The following PIK3C2G variants were observed in gnomAD, a reference collection of about 807,000 sequenced individuals.
The protein encoded by PIK3C2G is phosphatidylinositol-4-phosphate 3-kinase catalytic subunit type 2 gamma.
A neutral mutation model predicts 181.1 loss-of-function variants in PIK3C2G; 168 were observed. That is an observed-to-expected ratio of 0.93 (90% CI 0.82 to 1.05). The LOEUF (loss-of-function observed/expected upper bound fraction) is 1.05. Ranked by LOEUF, PIK3C2G falls within the 50% of genes least tolerant of loss-of-function variation. The pLI is 0.00. For missense variants in PIK3C2G, 1,869 were observed against 1,732.8 expected, an observed-to-expected ratio of 1.08 and a Z score of -1.40; for synonymous variants, 573 against 592.2, an observed-to-expected ratio of 0.97 and a Z score of 0.47.
At chr12:18,650,744 ATATATATATATATATATATAT>A (rs1950471929), downstream of PIK3C2G, among the ~76,000 whole-genome samples, 1 of 41,954 alleles carries the variant, frequency 2.4e-5, no homozygotes, top group African/African-American at 1.5e-4. Flanking sequence ...ATATATATAT[ATATATATATATATATATATAT>A]TCCAGTCCAT....
chr12:18,599,222 A>G (rs1947559063), intron 30 of PIK3C2G, among the ~76,000 whole-genome samples: 1 of 152,338 alleles, frequency 6.6e-6, no homozygotes, highest in South Asian at 2.1e-4. Context: ...GGCATTATTC[A>G]CAATAGCAAA....
chr12:18,509,491 A>T (rs1274690461), intron 24 of PIK3C2G, among the ~76,000 whole-genome samples: 1 of 152,196 alleles, frequency 6.6e-6, no homozygotes, highest in Non-Finnish European at 1.5e-5. Context: ...CCATTCCGGA[A>T]CATCTCACAC....
intron 31 of PIK3C2G, among the ~76,000 whole-genome samples, chr12:18,631,748 G>A (rs1949361589): frequency 6.6e-6 from 1 of 152,062 alleles, no homozygotes; most frequent in South Asian, 2.1e-4. Context: ...GGATGAGGGG[G>A]GCACCAGGAA....
At chr12:18,488,920 G>A (rs941544272) in intron 19 of PIK3C2G, among the ~76,000 whole-genome samples, 18 of 151,948 alleles carry the variant, frequency 1.2e-4, no homozygotes, top group African/African-American at 4.1e-4. Flanking sequence ...TAAACTAATC[G>A]CGTCAATATG....
intron 18 of PIK3C2G, among the ~76,000 whole-genome samples, chr12:18,475,894 T>C (rs566681609): frequency 6.6e-6 from 1 of 152,172 alleles, no homozygotes; most frequent in South Asian, 2.1e-4. Flanking sequence ...AATAAATAAA[T>C]TTTAGGAAGA....
intron 17 of PIK3C2G, among the ~76,000 whole-genome samples, chr12:18,421,640 T>C (rs1945493971): frequency 6.6e-6 from 1 of 151,956 alleles, no homozygotes; most frequent in South Asian, 2.1e-4. Context: ...AATAACAGAG[T>C]ATCTAATAGA....
chr12:18,252,819 G>C (rs1036685401), intron 1 of PIK3C2G, among the ~76,000 whole-genome samples: 4 of 152,152 alleles, frequency 2.6e-5, no homozygotes, highest in African/African-American at 9.6e-5. Context: ...CTTCAGGGGA[G>C]AAGGGCAGGA....
At chr12:18,319,897 G>A (rs569417575) in intron 6 of PIK3C2G, among the ~76,000 whole-genome samples, 1 of 152,230 alleles carries the variant, frequency 6.6e-6, no homozygotes, top group South Asian at 2.1e-4. Context: ...TTTCTAGAAA[G>A]TAAGACTCAC....
chr12:18,652,026 T>G (rs1010098144), downstream of PIK3C2G, among the ~76,000 whole-genome samples: 4 of 152,148 alleles, frequency 2.6e-5, no homozygotes, highest in Non-Finnish European at 5.9e-5. Context: ...ATATTTTCTT[T>G]GTTAGTTTGT....
chr12:18,415,969 C>T (rs774709806), intron 16 of PIK3C2G, among the ~76,000 whole-genome samples: 7 of 152,138 alleles, frequency 4.6e-5, no homozygotes, highest in East Asian at 1.9e-4. Flanking sequence ...AAAAGCCGGG[C>T]GGGCGCAGTG....
At chr12:18,500,588 G>A (rs549999923) in intron 22 of PIK3C2G, among the ~76,000 whole-genome samples, 1 of 152,186 alleles carries the variant, frequency 6.6e-6, no homozygotes, top group South Asian at 2.1e-4. Context: ...AGATCCACTG[G>A]GTGACGCCAG....
At chr12:18,445,983 A>G (rs1484226058) in intron 18 of PIK3C2G, among the ~76,000 whole-genome samples, 1 of 152,196 alleles carries the variant, frequency 6.6e-6, no homozygotes, top group African/African-American at 2.4e-5. Flanking sequence ...TTTTCATTGT[A>G]GTCTCATTTG....
chr12:18,708,626 C>T, the PIK3C2G span, among the ~76,000 whole-genome samples: 1 of 152,138 alleles, frequency 6.6e-6, no homozygotes, highest in East Asian at 1.9e-4. Context: ...TTTCCATCAT[C>T]AGTGTACAGG....
rs907788980 is a variant in PIK3C2G, at chr12:18,291,152, G to C, written c.919+140G>C. On this transcript the variant is annotated intron_variant, in intron 4 of 32. Transcript: ENST00000538779. ...GAAGTGAAATAAGAAGAAAACATCA[G>C]GGATCCATTTGTTAATACTTAAGGG... The C allele has an allele frequency of 7.2e-6, 4 of 555,762 alleles. No individual in the cohort carries two copies. In the East Asian group the frequency reaches 8.8e-5, roughly 12 times the overall value. 34.4% of individuals were successfully genotyped at this position (555,762 alleles called of 1,614,324 possible). A position where few individuals can be genotyped will look rare whatever the true frequency, so the allele number is the denominator to read the frequency against.
chr12:18,351,209 CATT>C (rs1391612475), intron 11 of PIK3C2G, among the ~76,000 whole-genome samples: 1 of 151,686 alleles, frequency 6.6e-6, no homozygotes, highest in African/African-American at 2.4e-5. Context: ...AGTTAGAAAA[CATT>C]ATAACTTAAA....
intron 6 of PIK3C2G, among the ~76,000 whole-genome samples, chr12:18,319,554 A>T (rs35969645): frequency 0.1 from 15,191 of 152,106 alleles, 819 homozygotes; most frequent in Non-Finnish European, 0.11. Context: ...AAATTAAAAA[A>T]TTTTTCTAGC....
chr12:18,561,593 C>T (rs1417559989), intron 26 of PIK3C2G, among the ~76,000 whole-genome samples: 1 of 151,866 alleles, frequency 6.6e-6, no homozygotes, highest in African/African-American at 2.4e-5. Context: ...AAGTCAGATA[C>T]TGGAGAAAAG....
At chr12:18,708,856 A>G in the PIK3C2G span, among the ~76,000 whole-genome samples, 1 of 151,828 alleles carries the variant, frequency 6.6e-6, no homozygotes, top group African/African-American at 2.4e-5. Context: ...TTTTTAATCA[A>G]GTTTTTTTTC....
intron 19 of PIK3C2G, among the ~76,000 whole-genome samples, chr12:18,490,729 G>A (rs1320998295): frequency 6.6e-6 from 1 of 152,064 alleles, no homozygotes; most frequent in Non-Finnish European, 1.5e-5. Flanking sequence ...TTTTATGGTT[G>A]GATAGTACTC....
Sources: gnomAD v4.1 joint callset for allele counts (sites outside exome capture counted in the v4.1 genomes callset) on GRCh38, gnomAD v4.1.1 for gene constraint, MANE v1.5 for transcripts, NCBI Gene and HGNC (gene_info 2026-07-23, HGNC 2026-07-21) for gene names.